Variants in CTNND2 observed in about 807,000 individuals in gnomAD.
CTNND2 encodes the protein catenin delta-2.
CTNND2 carries 22 observed loss-of-function variants against 144.4 expected under a neutral mutation model. That is an observed-to-expected ratio of 0.15 (90% CI 0.11 to 0.22). CTNND2 has a LOEUF of 0.22. CTNND2 is among the 10% of genes least tolerant of loss of function. The pLI, the probability that CTNND2 is intolerant of heterozygous loss-of-function variation, is 1.00. For missense variants in CTNND2, 1,353 were observed against 1,618.8 expected, an observed-to-expected ratio of 0.84 and a Z score of 2.82; for synonymous variants, 751 against 695.6, an observed-to-expected ratio of 1.08 and a Z score of -1.25.
chr5:11,820,380 CG>C (rs1793246550), intron 1 of CTNND2, among the ~76,000 whole-genome samples: 1 of 151,978 alleles, frequency 6.6e-6, no homozygotes, highest in Non-Finnish European at 1.5e-5. Flanking sequence ...AGAATGGTGC[CG>C]GGGAACACGA....
chr5:11,585,154 T>C (rs1581560437), intron 2 of CTNND2, among the ~76,000 whole-genome samples: 1 of 152,026 alleles, frequency 6.6e-6, no homozygotes. Context: ...CTGTTTAAGG[T>C]TGTTTCACTA....
chr5:11,364,356 C>T (rs973862996), intron 8 of CTNND2, among the ~76,000 whole-genome samples: 39 of 152,204 alleles, frequency 2.6e-4, no homozygotes, highest in African/African-American at 8.4e-4. Context: ...ACGTCTTTCA[C>T]GTCCTACAAA....
At chr5:11,155,004 T>C (rs1242112502) in intron 12 of CTNND2, among the ~76,000 whole-genome samples, 1 of 152,222 alleles carries the variant, frequency 6.6e-6, no homozygotes, top group Non-Finnish European at 1.5e-5. Context: ...GAACTAATTG[T>C]ATCTGCAAAG....
chr5:11,421,653 G>A (rs1346616832), intron 3 of CTNND2, among the ~76,000 whole-genome samples: 1 of 152,162 alleles, frequency 6.6e-6, no homozygotes, highest in East Asian at 1.9e-4. Flanking sequence ...AGGCATGGCG[G>A]TGTCTGCATC....
chr5:11,083,592 C>T (rs1749826288), intron 15 of CTNND2, among the ~76,000 whole-genome samples: 1 of 152,108 alleles, frequency 6.6e-6, no homozygotes, highest in Admixed American at 6.6e-5. Context: ...ATAAAGCATT[C>T]CCATTCACTT....
intron 12 of CTNND2, among the ~76,000 whole-genome samples, chr5:11,135,958 G>A (rs1373727900): frequency 6.6e-6 from 1 of 152,170 alleles, no homozygotes; most frequent in African/African-American, 2.4e-5. Flanking sequence ...GAATATCTGT[G>A]TCCCTCCTAA....
At chr5:10,981,586 AACAC>A (rs112742699) in intron 21 of CTNND2, among the ~76,000 whole-genome samples, 183 bp downstream of exon 21, 27 of 150,478 alleles carry the variant, frequency 1.8e-4, no homozygotes, top group Non-Finnish European at 3.6e-4. Context: ...TGCCGAGTCC[AACAC>A]ACACACACAC....
chr5:10,981,344 T>G (rs1737221089), intron 21 of CTNND2, among the ~76,000 whole-genome samples: 1 of 152,248 alleles, frequency 6.6e-6, no homozygotes, highest in Non-Finnish European at 1.5e-5. Flanking sequence ...GAACTTGCTG[T>G]GTCTCCTTTA....
In CTNND2 at chr5:11,562,307, G is replaced by A. The variant is rs76643820; in HGVS notation, c.287+2637C>T. ...CCTCTTTTTTTAAAAAAAAGTTGAC[G>A]TTCTATTTTTGTTTAAATATCCCTT... On this transcript the variant is annotated intron_variant, in intron 3 of 21. Coordinates refer to ENST00000304623, the MANE Select transcript of CTNND2 (RefSeq NM_001332.4). Among the ~76,000 whole-genome samples, 16 of 152,100 alleles carry A rather than the reference G, an allele frequency of 1.1e-4. No homozygotes were observed. In the East Asian group the frequency reaches 1.7e-3, roughly 17 times the overall value.
At chr5:11,105,236 T>C (rs1347067685) in intron 14 of CTNND2, among the ~76,000 whole-genome samples, 1 of 152,270 alleles carries the variant, frequency 6.6e-6, no homozygotes, top group Non-Finnish European at 1.5e-5. Context: ...AGGGGCTTTG[T>C]CCCTGACGTG....
At chr5:11,882,447 G>C (rs1736189852) in intron 1 of CTNND2, among the ~76,000 whole-genome samples, 1 of 151,938 alleles carries the variant, frequency 6.6e-6, no homozygotes, top group Non-Finnish European at 1.5e-5. Context: ...CAGAATAAAG[G>C]ATAATAAATA....
intron 2 of CTNND2, among the ~76,000 whole-genome samples, chr5:11,611,185 C>G (rs1456198567): frequency 6.6e-6 from 1 of 152,126 alleles, no homozygotes; most frequent in Non-Finnish European, 1.5e-5. Flanking sequence ...CTTGCTGACA[C>G]CATGTGAAGA....
At chr5:11,139,926 T>C (rs1017923192) in intron 12 of CTNND2, among the ~76,000 whole-genome samples, 5 of 152,170 alleles carry the variant, frequency 3.3e-5, no homozygotes, top group African/African-American at 4.8e-5. Context: ...GGCTGCTTCC[T>C]CTGTCTTCAG....
chr5:11,884,927 T>G (rs1292326831), intron 1 of CTNND2, among the ~76,000 whole-genome samples: 1 of 96,920 alleles, frequency 1.0e-5, no homozygotes, highest in Non-Finnish European at 2.7e-5. Context: ...TCATATAGTG[T>G]TTTGTCCATT....
At chr5:11,380,928 G>T (rs1422281492) in intron 7 of CTNND2, among the ~76,000 whole-genome samples, 4 of 152,180 alleles carry the variant, frequency 2.6e-5, no homozygotes, top group African/African-American at 9.7e-5. Flanking sequence ...GATTCTGACA[G>T]ATATCACCTA....
chr5:11,708,884 T>C (rs1451518477), intron 2 of CTNND2, among the ~76,000 whole-genome samples: 1 of 152,220 alleles, frequency 6.6e-6, no homozygotes, highest in Non-Finnish European at 1.5e-5. Flanking sequence ...TATAGTTATG[T>C]CTTTGTGAAT....
intron 7 of CTNND2, among the ~76,000 whole-genome samples, chr5:11,365,520 G>C (rs61750664): frequency 2.6e-5 from 4 of 152,274 alleles, no homozygotes; most frequent in Admixed American, 6.5e-5. Flanking sequence ...CTCTGAAAAA[G>C]TTAGGAATGA....
intron 3 of CTNND2, among the ~76,000 whole-genome samples, chr5:11,562,596 G>C (rs980514794): frequency 6.6e-6 from 1 of 152,178 alleles, no homozygotes; most frequent in Admixed American, 6.5e-5. Flanking sequence ...GAAATATTTA[G>C]GCAGTGTCAT....
intron 2 of CTNND2, among the ~76,000 whole-genome samples, chr5:11,643,105 G>A (rs1258383459): frequency 3.3e-5 from 5 of 152,110 alleles, no homozygotes; most frequent in Non-Finnish European, 7.4e-5. Flanking sequence ...TAAGCACTTG[G>A]CAGTTGAATT....
Sources: gnomAD v4.1 joint callset for allele counts (sites outside exome capture counted in the v4.1 genomes callset) on GRCh38, gnomAD v4.1.1 for gene constraint, MANE v1.5 for transcripts, NCBI Gene and HGNC (gene_info 2026-07-23, HGNC 2026-07-21) for gene names.